ATG10: variants seen among roughly 807,000 people sequenced by gnomAD.
The protein encoded by ATG10 is ubiquitin-like-conjugating enzyme ATG10.
Under a neutral mutation model 32.1 loss-of-function variants are expected in ATG10, and 30 were observed. That is an observed-to-expected ratio of 0.94 (90% CI 0.70 to 1.27). The LOEUF is 1.27. ATG10 is among the 50% of genes most tolerant of loss of function. The probability of loss-of-function intolerance (pLI) is 0.00; values close to 1 mark genes in which losing one functional copy is unlikely to be tolerated. For synonymous variants in ATG10, 87 were observed against 91.5 expected (o/e 0.95, Z 0.28); for missense variants, 233 against 262.3 (o/e 0.89, Z 0.77).
At chr5:81,998,698 A>G (rs902846858) in intron 2 of ATG10, among the ~76,000 whole-genome samples, 1 of 152,196 alleles carries the variant, frequency 6.6e-6, no homozygotes, top group African/African-American at 2.4e-5. Context: ...AGAAAAATCT[A>G]CCGAGAAAAT....
At chr5:81,997,564 A>G (rs968172803) in intron 2 of ATG10, among the ~76,000 whole-genome samples, 9 of 152,256 alleles carry the variant, frequency 5.9e-5, no homozygotes, top group Admixed American at 5.9e-4. Flanking sequence ...AATATAATTC[A>G]GAATACGGAT....
Position 82,252,596 on chromosome 5 carries a change from T to C in ATG10, c.488T>C (p.Leu163Pro). 6.2e-7 allele frequency: 1 copy of C among 1,609,962 alleles called. No individual in the cohort carries two copies. The highest frequency in any genetic ancestry group is 1.1e-5 in the South Asian group (1 of 90,050). The change falls in exon 6 of 8, where the codon CTT (leucine) becomes CCT (proline). Residue 163 changes from leucine to proline, a missense_variant. Leu to Pro is a moderately conservative substitution (Grantham distance 98). Transcript: ENST00000282185. ...HPILGQPFFVLHPCKTNEFMT... is the reference protein window; with the variant it reads ...HPILGQPFFVPHPCKTNEFMT... Reference sequence around the variant, plus strand: ...ATACTTGGGCAACCCTTTTTTGTACTTCATCCCTGCAAGACGAATGAATTC... The same window carrying C: ...ATACTTGGGCAACCCTTTTTTGTACCTCATCCCTGCAAGACGAATGAATTC...
chr5:82,059,345 C>G (rs1464052584), intron 3 of ATG10, among the ~76,000 whole-genome samples: 1 of 151,556 alleles, frequency 6.6e-6, no homozygotes. Flanking sequence ...TAGTTTACCA[C>G]TGGTAACATT....
At chr5:82,003,012 T>C (rs1761892504) in intron 2 of ATG10, among the ~76,000 whole-genome samples, 1 of 152,178 alleles carries the variant, frequency 6.6e-6, no homozygotes, top group Admixed American at 6.5e-5. Context: ...CTTAATGGGA[T>C]TTAATTGAAG....
At chr5:82,117,321 T>C (rs1282605250) in intron 3 of ATG10, among the ~76,000 whole-genome samples, 1 of 152,130 alleles carries the variant, frequency 6.6e-6, no homozygotes, top group Non-Finnish European at 1.5e-5. Flanking sequence ...CTTGAAAGAA[T>C]AAATTTGAGC....
At chr5:82,089,937 CAA>C (rs1764823723) in intron 3 of ATG10, among the ~76,000 whole-genome samples, 1 of 151,576 alleles carries the variant, frequency 6.6e-6, no homozygotes, top group South Asian at 2.1e-4. Flanking sequence ...GCAAAAGACT[CAA>C]AGAGTCACTG....
At chr5:81,975,803 C>T (rs558043742) in intron 1 of ATG10, among the ~76,000 whole-genome samples, 69 of 151,730 alleles carry the variant, frequency 4.5e-4, no homozygotes, top group African/African-American at 1.6e-3. Context: ...ACTTTTGTAG[C>T]TTAGAGTTTT....
At chr5:82,013,657 A>G (rs1561254518) in intron 2 of ATG10, among the ~76,000 whole-genome samples, 1 of 151,892 alleles carries the variant, frequency 6.6e-6, no homozygotes, top group Non-Finnish European at 1.5e-5. Flanking sequence ...CCACATCCAC[A>G]CCAACATCTA....
At chr5:82,218,027 T>A in intron 5 of ATG10, among the ~76,000 whole-genome samples, 1 of 138,174 alleles carries the variant, frequency 7.2e-6, no homozygotes, top group African/African-American at 2.8e-5. Context: ...ATAAGGAAGG[T>A]TATAACAGAA....
chr5:82,127,662 C>G (rs1419012450), intron 3 of ATG10, among the ~76,000 whole-genome samples: 2 of 151,894 alleles, frequency 1.3e-5, no homozygotes, highest in African/African-American at 4.8e-5. Flanking sequence ...GTTATGGTTT[C>G]TTTTCTTTTG....
intron 1 of ATG10, among the ~76,000 whole-genome samples, chr5:81,984,297 C>G (rs1019345963): frequency 6.6e-6 from 1 of 152,262 alleles, no homozygotes; most frequent in Non-Finnish European, 1.5e-5. Context: ...CCTGGCGGCG[C>G]GCGCCTGCAA....
At chr5:82,088,680 C>A (rs542334823) in intron 3 of ATG10, among the ~76,000 whole-genome samples, 1 of 152,112 alleles carries the variant, frequency 6.6e-6, no homozygotes, top group African/African-American at 2.4e-5. Context: ...AGAAAGTAAT[C>A]GTAATTATAA....
intron 3 of ATG10, among the ~76,000 whole-genome samples, chr5:82,135,714 T>A (rs1452435037): frequency 6.6e-6 from 1 of 152,126 alleles, no homozygotes; most frequent in Admixed American, 6.6e-5. Flanking sequence ...GGGTGGAGAG[T>A]TCTGTAGATG....
intron 5 of ATG10, among the ~76,000 whole-genome samples, chr5:82,197,205 T>G (rs1422755832): frequency 6.6e-6 from 1 of 152,186 alleles, no homozygotes; most frequent in African/African-American, 2.4e-5. Context: ...TCTCTGCTAG[T>G]GTAGAAATAC....
intron 3 of ATG10, among the ~76,000 whole-genome samples, chr5:82,132,538 A>G (rs1405812042): frequency 2.0e-5 from 3 of 151,684 alleles, no homozygotes; most frequent in Admixed American, 2.0e-4. Flanking sequence ...ATTTGGTGAG[A>G]ATGATGGTTT....
intron 3 of ATG10, among the ~76,000 whole-genome samples, chr5:82,148,916 T>G (rs2149877245): frequency 6.6e-6 from 1 of 152,310 alleles, no homozygotes; most frequent in South Asian, 2.1e-4. Context: ...CTTTTCCACC[T>G]ATCTCTGAAA....
intron 3 of ATG10, among the ~76,000 whole-genome samples, chr5:82,139,530 C>G (rs1326331873): frequency 6.9e-5 from 10 of 144,994 alleles, no homozygotes; most frequent in African/African-American, 1.3e-4. Context: ...TCTGCCCGGC[C>G]GAGACCCCGT....
At chr5:82,155,955 G>A (rs1432677971) in intron 3 of ATG10, among the ~76,000 whole-genome samples, 1 of 152,092 alleles carries the variant, frequency 6.6e-6, no homozygotes, top group Non-Finnish European at 1.5e-5. Flanking sequence ...TGATAAAGGA[G>A]TAACATATTA....
intron 2 of ATG10, among the ~76,000 whole-genome samples, chr5:81,993,269 G>C (rs190543780): frequency 6.7e-6 from 1 of 149,234 alleles, no homozygotes; most frequent in East Asian, 2.0e-4. Flanking sequence ...TGCATTCAAA[G>C]AGTTTAGCCT....
Sources: allele counts gnomAD v4.1 joint callset (sites outside exome capture counted in the v4.1 genomes callset), GRCh38; gene constraint gnomAD v4.1.1; transcripts MANE v1.5; gene names NCBI Gene and HGNC (gene_info 2026-07-23, HGNC 2026-07-21).